RORA: variants seen among roughly 807,000 people sequenced by gnomAD.
RORA encodes nuclear receptor ROR-alpha.
Under a neutral mutation model 69.5 loss-of-function variants are expected in RORA, and 7 were observed. The ratio of observed to expected loss-of-function variants is 0.10; its 90% CI spans 0.06 to 0.19. The LOEUF (loss-of-function observed/expected upper bound fraction) is 0.19, where lower values mean the gene tolerates loss of function less well. RORA is among the 10% of genes least tolerant of loss of function. The probability of loss-of-function intolerance (pLI) is 1.00; values close to 1 mark genes in which losing one functional copy is unlikely to be tolerated. For missense variants in RORA, 457 were observed against 663.0 expected (o/e 0.69, Z 3.41); for synonymous variants, 261 against 240.8 (o/e 1.08, Z -0.78).
rs1304862996 is a variant in RORA, at chr15:60,492,653, T to C, written c.*4802A>G. ...TATGATGCTATATATATATTTATCA[T>C]GAATATTTTAATTATTAGAGAAATG... On this transcript the variant is annotated 3_prime_UTR_variant, in exon 11 of 11. Transcript: ENST00000335670. The C allele has an allele frequency of 2.6e-5, 4 of 152,184 alleles. No homozygotes were observed. The highest frequency in any genetic ancestry group is 5.9e-5 in the Non-Finnish European group (4 of 68,016). 9.4% of individuals were successfully genotyped at this position (152,184 alleles called of 1,614,324 possible).
intron 1 of RORA, among the ~76,000 whole-genome samples, chr15:61,123,154 T>C (rs2079117440): frequency 6.6e-6 from 1 of 152,146 alleles, no homozygotes; most frequent in Admixed American, 6.5e-5. Context: ...ATGATGAAGC[T>C]GCTTTCCTGG....
chr15:60,908,319 T>A (rs916696133), intron 1 of RORA, among the ~76,000 whole-genome samples: 1 of 152,180 alleles, frequency 6.6e-6, no homozygotes, highest in African/African-American at 2.4e-5. Context: ...TTCCCTTGAT[T>A]CTGAATGAAC....
intron 2 of RORA, among the ~76,000 whole-genome samples, chr15:60,670,014 C>T (rs2070440296): frequency 6.6e-6 from 1 of 152,136 alleles, no homozygotes; most frequent in South Asian, 2.1e-4. Flanking sequence ...CCTGCCCTAT[C>T]TTTCCATAGG....
At chr15:61,090,711 A>G (rs1361759331) in intron 1 of RORA, among the ~76,000 whole-genome samples, 1 of 152,196 alleles carries the variant, frequency 6.6e-6, no homozygotes, top group East Asian at 1.9e-4. Context: ...AGATGAGACA[A>G]GAGACAAGCT....
chr15:60,698,900 T>G (rs1265924227), intron 1 of RORA, among the ~76,000 whole-genome samples: 1 of 152,152 alleles, frequency 6.6e-6, no homozygotes, highest in African/African-American at 2.4e-5. Context: ...TTGTCTAAGT[T>G]TCTTGACTTT....
At chr15:61,149,358 C>G (rs2079378414) in intron 1 of RORA, among the ~76,000 whole-genome samples, 1 of 152,154 alleles carries the variant, frequency 6.6e-6, no homozygotes, top group African/African-American at 2.4e-5. Context: ...ATCTTGAAAT[C>G]TGGATACCCA....
intron 1 of RORA, among the ~76,000 whole-genome samples, chr15:61,135,839 A>G (rs765711874): frequency 3.9e-5 from 6 of 152,348 alleles, no homozygotes; most frequent in Non-Finnish European, 8.8e-5. Flanking sequence ...AGAGAGCCAA[A>G]TAAGTGCCTA....
chr15:60,957,591 A>C (rs977323197), intron 1 of RORA, among the ~76,000 whole-genome samples: 9 of 152,244 alleles, frequency 5.9e-5, no homozygotes, highest in African/African-American at 2.2e-4. Context: ...CACTTTGCTC[A>C]GTCCCTGAGG....
intron 3 of RORA, among the ~76,000 whole-genome samples, chr15:60,518,392 T>A (rs1045090602): frequency 6.6e-6 from 1 of 152,260 alleles, no homozygotes; most frequent in Non-Finnish European, 1.5e-5. Context: ...ATTATCAGTC[T>A]TACTGAGTAC....
At chr15:61,024,798 C>T (rs986893005) in intron 1 of RORA, among the ~76,000 whole-genome samples, 1 of 151,718 alleles carries the variant, frequency 6.6e-6, no homozygotes, top group African/African-American at 2.4e-5. Context: ...CCCAATGTTG[C>T]CCAGGCTGGT....
At chr15:60,815,622 G>A (rs1333154964) in intron 1 of RORA, among the ~76,000 whole-genome samples, 1 of 151,852 alleles carries the variant, frequency 6.6e-6, no homozygotes, top group African/African-American at 2.4e-5. Context: ...GCCAGGTGCT[G>A]AAATCACAGA....
chr15:60,783,087 T>A (rs2072286583), intron 1 of RORA, among the ~76,000 whole-genome samples: 1 of 152,142 alleles, frequency 6.6e-6, no homozygotes, highest in Non-Finnish European at 1.5e-5. Context: ...AGAAGGAGCC[T>A]AATGTTCAAT....
chr15:60,825,179 C>T (rs555472490), intron 1 of RORA, among the ~76,000 whole-genome samples: 1 of 152,298 alleles, frequency 6.6e-6, no homozygotes, highest in Admixed American at 6.5e-5. Context: ...GCCACTGTTA[C>T]CGAGCAGAAC....
In RORA at chr15:60,816,865, A is replaced by G. The variant is rs542552875; in HGVS notation, c.167-138179T>C. Among the ~76,000 whole-genome samples, 14 of 152,182 alleles carry G rather than the reference A, an allele frequency of 9.2e-5. No homozygotes were observed. In the East Asian group the frequency reaches 2.7e-3, roughly 29 times the overall value. ...GTTTTTCTAATGGGTTAACATTTTT[A>G]TTGTTTTAAAATGTCTCCTTTTATA... is the stretch of plus-strand genomic sequence containing the variant. On this transcript the variant is annotated intron_variant, in intron 1 of 10. Transcript: ENST00000335670.
intron 1 of RORA, among the ~76,000 whole-genome samples, chr15:60,999,828 G>C (rs12591812): frequency 0.38 from 58,106 of 152,100 alleles, 11,241 homozygotes; most frequent in Middle Eastern, 0.4. Flanking sequence ...AATTGAGGGC[G>C]ATGAAAACTG....
intron 1 of RORA, among the ~76,000 whole-genome samples, chr15:60,872,618 G>C (rs2140437326): frequency 6.6e-6 from 1 of 152,218 alleles, no homozygotes; most frequent in South Asian, 2.1e-4. Context: ...CTGAAGAGGT[G>C]GTTCATACAC....
At chr15:60,727,834 A>G (rs1301847660) in intron 1 of RORA, among the ~76,000 whole-genome samples, 1 of 151,888 alleles carries the variant, frequency 6.6e-6, no homozygotes, top group Non-Finnish European at 1.5e-5. Flanking sequence ...GCCAAGTGAA[A>G]CTCTAGGAGA....
chr15:60,841,062 G>A (rs1370492460), intron 1 of RORA: 4 of 982,872 alleles, frequency 4.1e-6, no homozygotes, highest in Non-Finnish European at 4.8e-6. Context: ...AACATTCAGC[G>A]TACTTACCAA....
intron 1 of RORA, among the ~76,000 whole-genome samples, chr15:61,113,040 C>G (rs1386322455): frequency 2.0e-5 from 3 of 152,232 alleles, no homozygotes; most frequent in Non-Finnish European, 4.4e-5. Flanking sequence ...CTTGCCAGGT[C>G]TAGCACAGCC....
Sources: allele counts gnomAD v4.1 joint callset (sites outside exome capture counted in the v4.1 genomes callset), GRCh38; gene constraint gnomAD v4.1.1; transcripts MANE v1.5; gene names NCBI Gene and HGNC (gene_info 2026-07-23, HGNC 2026-07-21).